The following GRIN2B variants were observed in gnomAD, a reference collection of about 807,000 sequenced individuals.
GRIN2B encodes glutamate ionotropic receptor NMDA type subunit 2B, also known as glutamate receptor ionotropic, NMDA 2B.
In GRIN2B, 5 loss-of-function variants were observed where a neutral mutation model predicts 114.5. That is an observed-to-expected ratio of 0.04 (90% CI 0.02 to 0.09). The LOEUF is 0.09. GRIN2B is among the 10% of genes least tolerant of loss of function. The pLI is 1.00. For missense variants in GRIN2B, 1,108 were observed against 1,943.5 expected, an observed-to-expected ratio of 0.57 and a Z score of 8.08; for synonymous variants, 787 against 745.1, an observed-to-expected ratio of 1.06 and a Z score of -0.92.
chr12:13,684,260 C>A (rs1264024789), intron 4 of GRIN2B, among the ~76,000 whole-genome samples: 1 of 152,112 alleles, frequency 6.6e-6, no homozygotes, highest in Non-Finnish European at 1.5e-5. Flanking sequence ...AAATGATCCC[C>A]CTTCTGACCT....
chr12:13,720,143 C>A, intron 4 of GRIN2B, among the ~76,000 whole-genome samples: 1 of 151,940 alleles, frequency 6.6e-6, no homozygotes, highest in Admixed American at 6.6e-5. Flanking sequence ...CTGGCTTTGT[C>A]TAATTAAAAA....
In GRIN2B at chr12:13,795,828, A is replaced by C. The variant is rs552165559; in HGVS notation, c.412-41913T>G. Among the ~76,000 whole-genome samples the C allele has an allele frequency of 2.9e-4, 44 of 152,288 alleles. 1 individual carries two copies. The highest frequency in any genetic ancestry group is 6.8e-3 in the Middle Eastern group (2 of 294). ...ACCATCATTCTGAGCAAACTATCAC[A>C]AGGACAGAAAACCAAACATCACGTG... is the stretch of plus-strand genomic sequence containing the variant. On this transcript the variant is annotated intron_variant, in intron 3 of 13. Coordinates refer to ENST00000609686, the MANE Select transcript of GRIN2B (RefSeq NM_000834.5).
chr12:13,680,832 A>T (rs1388686355), intron 4 of GRIN2B, among the ~76,000 whole-genome samples: 4 of 152,046 alleles, frequency 2.6e-5, no homozygotes, highest in African/African-American at 9.7e-5. Context: ...GACTATATAG[A>T]TCCCTAATAC....
At chr12:13,638,102 G>A (rs548101264) in intron 5 of GRIN2B, among the ~76,000 whole-genome samples, 1 of 152,206 alleles carries the variant, frequency 6.6e-6, no homozygotes, top group Non-Finnish European at 1.5e-5. Context: ...TGTACTCCTT[G>A]ACCTGAGCCA....
intron 3 of GRIN2B, among the ~76,000 whole-genome samples, chr12:13,865,188 T>C (rs1433982783): frequency 6.6e-6 from 1 of 152,248 alleles, no homozygotes; most frequent in Non-Finnish European, 1.5e-5. Flanking sequence ...GCCTTTCATA[T>C]ACCTATTTGA....
At position 13,547,947 on chromosome 12, in the gene GRIN2B, A is replaced by ATG. The variant is rs1328510076; in HGVS notation, c.*14834_*14835dup. On this transcript the variant is annotated 3_prime_UTR_variant, in exon 14 of 14. Transcript: ENST00000609686. Reference sequence around the variant, plus strand: ...CAGGGTTATGTATATGTATGTATGTATGTATGTGTGTGTATATATATATAT... The same window carrying ATG: ...CAGGGTTATGTATATGTATGTATGTATGTGTATGTGTGTGTATATATATATAT... 7.6e-5 allele frequency: 8 copies of ATG among 105,912 alleles called. No homozygotes were observed. The highest frequency in any genetic ancestry group is 1.2e-4 in the Non-Finnish European group (6 of 50,602). 6.6% of individuals were successfully genotyped at this position (105,912 alleles called of 1,614,324 possible).
In GRIN2B at chr12:13,933,200, C is replaced by T. The variant is rs115687835; in HGVS notation, c.-19+46728G>A. Among the ~76,000 whole-genome samples, 913 of 152,286 alleles carry T rather than the reference C, an allele frequency of 6.0e-3. 11 individuals are homozygous for T. Among genetic ancestry groups the T allele is most frequent in the African/African-American group, 0.021 (865 of 41,558 alleles). ...CTAAGTCTCTTATTTCTTCCCACCA[C>T]CTCTGCAAATAGTACCTTTAACAAA... On this transcript the variant is annotated intron_variant, in intron 2 of 13. Coordinates refer to ENST00000609686, the MANE Select transcript of GRIN2B (RefSeq NM_000834.5).
chr12:13,957,134 C>G (rs1339217763), intron 2 of GRIN2B, among the ~76,000 whole-genome samples: 1 of 152,180 alleles, frequency 6.6e-6, no homozygotes, highest in African/African-American at 2.4e-5. Flanking sequence ...ATACCATCAA[C>G]CTATTGCTTC....
In GRIN2B at chr12:13,561,346, C is replaced by G. The variant is rs768362827; in HGVS notation, c.*1437G>C. On this transcript the variant is annotated 3_prime_UTR_variant, in exon 14 of 14. Transcript: ENST00000609686. ...GAGGTGGTGGAGGGTCCCTCTCTGC[C>G]CCCGTCTCCCATTTCCAAGTCTCTT... 2 of 152,194 alleles carry G rather than the reference C, an allele frequency of 1.3e-5. No individual in the cohort carries two copies. The highest frequency in any genetic ancestry group is 1.3e-4 in the Admixed American group (2 of 15,246). The allele number at this position is 152,194 out of a possible 1,614,324, so 9.4% of individuals were successfully genotyped here. A position where few individuals can be genotyped will look rare whatever the true frequency, so the allele number is the denominator to read the frequency against.
intron 2 of GRIN2B, among the ~76,000 whole-genome samples, chr12:13,971,769 C>G (rs951245435): frequency 1.3e-5 from 2 of 152,140 alleles, no homozygotes; most frequent in African/African-American, 4.8e-5. Flanking sequence ...AACTGCTCGC[C>G]CTATTTTGCA....
At chr12:13,967,120 C>T (rs1867802116) in intron 2 of GRIN2B, among the ~76,000 whole-genome samples, 1 of 152,206 alleles carries the variant, frequency 6.6e-6, no homozygotes, top group African/African-American at 2.4e-5. Flanking sequence ...TCAACAATTA[C>T]ATTAATTACA....
At chr12:13,732,205 CTTAA>C (rs1158906783) in intron 4 of GRIN2B, among the ~76,000 whole-genome samples, 1 of 151,306 alleles carries the variant, frequency 6.6e-6, no homozygotes, top group Non-Finnish European at 1.5e-5. Flanking sequence ...AAATAAATGA[CTTAA>C]TTAAGATCAC....
At position 13,547,983 on chromosome 12, in the gene GRIN2B, T is replaced by TATA. The variant is rs1565444927; in HGVS notation, c.*14799_*14800insTAT. ...TGTATATATATATATATATATATAT[T>TATA]TTTTTTTTTTTTCTGAAAGCTACAG... On this transcript the variant is annotated 3_prime_UTR_variant, in exon 14 of 14. Transcript: ENST00000609686. 15 of 76,692 alleles carry TATA rather than the reference T, an allele frequency of 2.0e-4. No homozygotes were observed. Among genetic ancestry groups the TATA allele is most frequent in the African/African-American group, 8.0e-4 (13 of 16,180 alleles). 4.8% of individuals were successfully genotyped at this position (76,692 alleles called of 1,614,324 possible).
chr12:13,836,902 C>T (rs561563469), intron 3 of GRIN2B, among the ~76,000 whole-genome samples: 30 of 152,326 alleles, frequency 2.0e-4, no homozygotes, highest in African/African-American at 7.0e-4. Flanking sequence ...GAGCCCCGTA[C>T]GGCCCGGGGA....
chr12:13,618,585 T>C (rs745627660), intron 5 of GRIN2B, among the ~76,000 whole-genome samples: 5 of 152,180 alleles, frequency 3.3e-5, no homozygotes, highest in South Asian at 2.1e-4. Flanking sequence ...TGCTGCCAGA[T>C]GGCTTTCTTA....
At chr12:13,926,221 C>G (rs36018978) in intron 2 of GRIN2B, among the ~76,000 whole-genome samples, 6,712 of 152,232 alleles carry the variant, frequency 0.044, 212 homozygotes, top group Non-Finnish European at 0.069. Flanking sequence ...CTACTAGAAT[C>G]CAGAATCTTT....
rs1565473787 is a variant in GRIN2B, at chr12:13,607,380, AT to A, written c.2010+1222del. Among the ~76,000 whole-genome samples the A allele has an allele frequency of 2.5e-3, 181 of 72,830 alleles. 7 individuals are homozygous for A. In the East Asian group the frequency reaches 0.046, roughly 18 times the overall value. 47.8% of individuals were successfully genotyped at this position (72,830 alleles called of 152,430 possible). ...ATATAATATATATTATATATTATATATATAATATATATTATATATAATATAT... is the reference window on the plus strand; with the variant it reads ...ATATAATATATATTATATATTATATAATAATATATATTATATATAATATAT... On this transcript the variant is annotated intron_variant, in intron 10 of 13. Coordinates refer to ENST00000609686, the MANE Select transcript of GRIN2B (RefSeq NM_000834.5).
intron 3 of GRIN2B, among the ~76,000 whole-genome samples, chr12:13,831,638 AAGAGGCTCATGTGGGGGAGCC>A (rs1565554705): frequency 6.6e-6 from 1 of 152,166 alleles, no homozygotes; most frequent in African/African-American, 2.4e-5. Flanking sequence ...GAAGAAGAAA[AAGAGGCTCATGTGGGGGAGCC>A]CGGTAACTGC....
chr12:13,947,151 A>G (rs1867375961), intron 2 of GRIN2B, among the ~76,000 whole-genome samples: 1 of 152,236 alleles, frequency 6.6e-6, no homozygotes, highest in Admixed American at 6.5e-5. Context: ...ATGTACTCAC[A>G]AAAGTATCTG....
Sources: gnomAD v4.1 joint callset for allele counts (sites outside exome capture counted in the v4.1 genomes callset) on GRCh38, gnomAD v4.1.1 for gene constraint, MANE v1.5 for transcripts, NCBI Gene and HGNC (gene_info 2026-07-23, HGNC 2026-07-21) for gene names.